The following DLG2 variants were observed in gnomAD, a reference collection of about 807,000 sequenced individuals.
DLG2 encodes the protein disks large homolog 2.
DLG2 carries 45 observed loss-of-function variants against 132.5 expected under a neutral mutation model. The observed-to-expected ratio is 0.34, with a 90% CI of 0.27 to 0.44. The LOEUF (loss-of-function observed/expected upper bound fraction) is 0.44, where lower values mean the gene tolerates loss of function less well. DLG2 is among the 20% of genes least tolerant of loss of function. DLG2 has a pLI of 1.00. For missense variants in DLG2, 1,045 were observed against 1,196.9 expected, an observed-to-expected ratio of 0.87 and a Z score of 1.87; for synonymous variants, 424 against 419.6, an observed-to-expected ratio of 1.01 and a Z score of -0.13.
chr11:83,660,777 A>C, intron 18 of DLG2, among the ~76,000 whole-genome samples: 1 of 152,118 alleles, frequency 6.6e-6, no homozygotes, highest in Non-Finnish European at 1.5e-5. Context: ...AAAGTGATGG[A>C]AAGATAAACA....
chr11:84,010,029 C>T (rs1203396547), intron 11 of DLG2, among the ~76,000 whole-genome samples: 1 of 152,030 alleles, frequency 6.6e-6, no homozygotes, highest in Non-Finnish European at 1.5e-5. Flanking sequence ...TCTGGTATCA[C>T]AAACTCTGAA....
At chr11:84,467,923 T>C (rs1016228414) in intron 7 of DLG2, among the ~76,000 whole-genome samples, 2 of 151,510 alleles carry the variant, frequency 1.3e-5, no homozygotes, top group African/African-American at 4.8e-5. Flanking sequence ...TAACACATAT[T>C]TGGCATACTG....
At chr11:83,542,382 A>G (rs1177756675) in intron 19 of DLG2, among the ~76,000 whole-genome samples, 2 of 152,144 alleles carry the variant, frequency 1.3e-5, no homozygotes, top group South Asian at 2.1e-4. Flanking sequence ...CCTCCACTCA[A>G]TGAAATATTG....
chr11:84,313,254 T>C lies in DLG2; in HGVS notation c.520-61963A>G, dbSNP rs530501622. ...CCTCAGCCTCCTGAGTAGCTGGGAC[T>C]ATGGTGTGCACCACTACGCCGGGCT... is the stretch of plus-strand genomic sequence containing the variant. On this transcript the variant is annotated intron_variant, in intron 7 of 27. Coordinates refer to ENST00000376104, the MANE Select transcript of DLG2 (RefSeq NM_001142699.3). 2.1e-3 allele frequency among the ~76,000 whole-genome samples: 323 copies of C among 152,144 alleles called. 2 individuals carry two copies. Among genetic ancestry groups the C allele is most frequent in the Non-Finnish European group, 3.6e-3 (243 of 67,978 alleles).
intron 5 of DLG2, among the ~76,000 whole-genome samples, chr11:85,138,746 A>G (rs573155786): frequency 6.7e-6 from 1 of 150,290 alleles, no homozygotes; most frequent in East Asian, 2.0e-4. Flanking sequence ...TCATTTTCTC[A>G]TACTGTCACC....
chr11:83,955,471 C>T (rs532928107), intron 14 of DLG2, among the ~76,000 whole-genome samples: 60 of 152,284 alleles, frequency 3.9e-4, no homozygotes, highest in Non-Finnish European at 7.2e-4. Flanking sequence ...CAGTGAAACC[C>T]CACCTTCAAG....
chr11:85,152,575 G>A (rs944823932), intron 5 of DLG2, among the ~76,000 whole-genome samples: 11 of 152,122 alleles, frequency 7.2e-5, no homozygotes, highest in Admixed American at 3.3e-4. Flanking sequence ...ATGGGCTACC[G>A]CACCCAGCTC....
intron 15 of DLG2, among the ~76,000 whole-genome samples, chr11:83,901,053 C>G (rs1246748622): frequency 6.6e-6 from 1 of 152,312 alleles, no homozygotes. Flanking sequence ...GACTGCCTCA[C>G]TGGATTTCAG....
chr11:84,238,600 A>C (rs1303129823), intron 8 of DLG2, among the ~76,000 whole-genome samples: 3 of 151,472 alleles, frequency 2.0e-5, no homozygotes, highest in Admixed American at 2.0e-4. Context: ...CAAGCATCAC[A>C]TAAAGTTCCT....
chr11:84,916,712 T>C (rs1345097497), intron 6 of DLG2, among the ~76,000 whole-genome samples: 1 of 152,166 alleles, frequency 6.6e-6, no homozygotes, highest in Non-Finnish European at 1.5e-5. Flanking sequence ...CTAAATGATG[T>C]GACCCTTCCG....
chr11:84,075,452 G>C (rs2154148957), intron 10 of DLG2, among the ~76,000 whole-genome samples: 1 of 152,264 alleles, frequency 6.6e-6, no homozygotes, highest in East Asian at 1.9e-4. Flanking sequence ...ATTATTCAAT[G>C]AAGGAATGAG....
chr11:84,574,682 G>A lies in DLG2; in HGVS notation c.358-39951C>T, dbSNP rs139602191. On this transcript the variant is annotated intron_variant, in intron 6 of 27. Coordinates refer to ENST00000376104, the MANE Select transcript of DLG2 (RefSeq NM_001142699.3). ...GCCTGCTATCACAGTGAAAGTTTCA[G>A]AGGTCCATAGCATTCCACATTTTCT... Among the ~76,000 whole-genome samples the A allele has an allele frequency of 4.6e-5, 7 of 152,282 alleles. No individual in the cohort carries two copies. The South Asian group carries it at 8.3e-4, about 18-fold the overall frequency.
At chr11:85,426,497 G>T (rs1028976759) in intron 3 of DLG2, among the ~76,000 whole-genome samples, 5 of 152,148 alleles carry the variant, frequency 3.3e-5, no homozygotes, top group African/African-American at 1.2e-4. Context: ...AGCTTCCACT[G>T]CTGATACTCA....
chr11:83,749,331 A>G (rs901851134), intron 18 of DLG2, among the ~76,000 whole-genome samples: 2 of 152,216 alleles, frequency 1.3e-5, no homozygotes, highest in African/African-American at 4.8e-5. Flanking sequence ...TGCTCAAGCT[A>G]AAGTGATAAT....
chr11:84,084,453 G>T (rs1342615151), intron 10 of DLG2, among the ~76,000 whole-genome samples: 1 of 152,132 alleles, frequency 6.6e-6, no homozygotes, highest in Non-Finnish European at 1.5e-5. Flanking sequence ...GCTCAGAATG[G>T]GTGGTATGGG....
intron 7 of DLG2, among the ~76,000 whole-genome samples, chr11:84,348,457 C>T (rs138961264): frequency 5.3e-5 from 8 of 152,138 alleles, no homozygotes; most frequent in African/African-American, 1.7e-4. Flanking sequence ...TATAGGTATG[C>T]TAGGAAGAGT....
intron 6 of DLG2, chr11:84,640,023 G>A (rs1003488227): frequency 5.0e-5 from 13 of 262,382 alleles, no homozygotes; most frequent in Admixed American, 2.7e-4. Context: ...TCAGACTGTC[G>A]GCACTCCAGA....
At chr11:84,954,913 C>T (rs1433087399) in intron 6 of DLG2, among the ~76,000 whole-genome samples, 2 of 152,116 alleles carry the variant, frequency 1.3e-5, no homozygotes, top group East Asian at 1.9e-4. Flanking sequence ...CTGTACTACA[C>T]GAGGGTTGGC....
At chr11:84,192,613 C>G (rs1431497999) in intron 8 of DLG2, among the ~76,000 whole-genome samples, 2 of 152,046 alleles carry the variant, frequency 1.3e-5, no homozygotes, top group Non-Finnish European at 2.9e-5. Flanking sequence ...GCCTGTAGTC[C>G]CAGCTACTCG....
Sources: gnomAD v4.1 joint callset for allele counts (sites outside exome capture counted in the v4.1 genomes callset) on GRCh38, gnomAD v4.1.1 for gene constraint, MANE v1.5 for transcripts, NCBI Gene and HGNC (gene_info 2026-07-23, HGNC 2026-07-21) for gene names.